Variants in PHF8 observed in about 807,000 individuals in gnomAD.
PHF8 encodes histone lysine demethylase PHF8.
A neutral mutation model predicts 74.4 loss-of-function variants in PHF8; 9 were observed. The observed-to-expected ratio is 0.12, with a 90% confidence interval of 0.07 to 0.21. The LOEUF (loss-of-function observed/expected upper bound fraction) is 0.21, where lower values mean the gene tolerates loss of function less well. PHF8 is among the 10% of genes least tolerant of loss of function. PHF8 has a pLI of 1.00. For missense variants in PHF8, 478 were observed against 816.6 expected (o/e 0.59, Z 5.05); for synonymous variants, 311 against 316.6 (o/e 0.98, Z 0.19).
chrX:54,011,862 C>CAAAAAA (rs11397654), intron 7 of PHF8, among the ~76,000 whole-genome samples: 4 of 40,056 alleles, frequency 1.0e-4, no homozygotes, highest in African/African-American at 3.0e-4. Flanking sequence ...GATAATTTGG[C>CAAAAAA]AAAAAAAAAA....
intron 14 of PHF8, among the ~76,000 whole-genome samples, chrX:53,992,438 T>C (rs1418771907): frequency 1.8e-5 from 2 of 111,937 alleles, no homozygotes; most frequent in Admixed American, 9.5e-5. Context: ...TTTTAGTAAG[T>C]ATGCTATACT....
intron 18 of PHF8, among the ~76,000 whole-genome samples, chrX:53,976,457 T>C (rs1046498378): frequency 3.5e-4 from 39 of 110,050 alleles, no homozygotes; most frequent in African/African-American, 1.3e-3. Flanking sequence ...GGAATGTAAC[T>C]GACAAAACAT....
intron 5 of PHF8, among the ~76,000 whole-genome samples, chrX:54,017,332 A>T (rs890673151): frequency 8.9e-6 from 1 of 112,291 alleles, no homozygotes; most frequent in Non-Finnish European, 1.9e-5. Context: ...CTGTAGTCTC[A>T]GCTACTCAGG....
chrX:53,965,807 A>C (rs1176673116), intron 18 of PHF8, among the ~76,000 whole-genome samples: 1 of 111,619 alleles, frequency 9.0e-6, no homozygotes, highest in African/African-American at 3.3e-5. Context: ...GGAAAATTTG[A>C]CTTCCAGAGT....
intron 14 of PHF8, among the ~76,000 whole-genome samples, chrX:53,990,806 T>C (rs1477515955): frequency 1.8e-5 from 2 of 111,623 alleles, no homozygotes; most frequent in African/African-American, 6.5e-5. Context: ...GTTCTGAGTA[T>C]CTAGAAAATA....
chrX:53,987,436 G>A (rs1225153851), intron 15 of PHF8, among the ~76,000 whole-genome samples: 7 of 112,054 alleles, frequency 6.2e-5, no homozygotes, highest in African/African-American at 1.3e-4. Flanking sequence ...AGGGCTGGGC[G>A]TGGTGGCTTG....
intron 1 of PHF8, among the ~76,000 whole-genome samples, 170 bp downstream of exon 1, chrX:54,043,592 C>G (rs2066599835): frequency 9.0e-6 from 1 of 111,389 alleles, no homozygotes; most frequent in Admixed American, 9.6e-5. Flanking sequence ...AGAATTTCCT[C>G]ACACTCCCGA....
intron 1 of PHF8, 94 bp downstream of exon 1, chrX:54,043,668 A>G (rs782123892): frequency 2.1e-4 from 43 of 207,004 alleles, no homozygotes; most frequent in African/African-American, 1.0e-3. Flanking sequence ...CCCCCCTCAA[A>G]CTGATGAGAG....
chrX:54,046,434 T>C (rs1348652243), upstream of PHF8, among the ~76,000 whole-genome samples: 1 of 109,901 alleles, frequency 9.1e-6, no homozygotes, highest in Non-Finnish European at 1.9e-5. Flanking sequence ...AATAAAAATA[T>C]TAGCCGTGTG....
intron 18 of PHF8, among the ~76,000 whole-genome samples, chrX:53,978,182 G>C (rs1026949924): frequency 3.7e-5 from 4 of 109,348 alleles, no homozygotes; most frequent in Non-Finnish European, 5.7e-5. Context: ...TCCTGACCTC[G>C]TGATGTGCCC....
At chrX:53,993,429 G>A (rs1366904914) in intron 13 of PHF8, among the ~76,000 whole-genome samples, 172 bp downstream of exon 13, 1 of 111,916 alleles carries the variant, frequency 8.9e-6, no homozygotes, top group African/African-American at 3.3e-5. Flanking sequence ...CTATCACAGT[G>A]CCCGGCATAG....
intron 2 of PHF8, among the ~76,000 whole-genome samples, chrX:54,024,177 C>T (rs2146462291): frequency 8.9e-6 from 1 of 111,855 alleles, no homozygotes; most frequent in African/African-American, 3.2e-5. Context: ...AATCCCAGTA[C>T]TTTGGGCGGC....
At chrX:54,047,157 GA>G (rs2066638409), upstream of PHF8, among the ~76,000 whole-genome samples, 1 of 112,166 alleles carries the variant, frequency 8.9e-6, no homozygotes, top group Non-Finnish European at 1.9e-5. Context: ...GTGTTGGGGG[GA>G]AAAAATTGGT....
chrX:54,036,869 G>A (rs1376508055), intron 2 of PHF8, among the ~76,000 whole-genome samples: 2 of 108,133 alleles, frequency 1.8e-5, no homozygotes, highest in African/African-American at 3.4e-5. Context: ...GCGTGGTGGC[G>A]AGCGCCTATA....
In PHF8 at chrX:53,948,040, T is replaced by C. The variant is rs142878385; in HGVS notation, c.2540-3797A>G. The stretch of plus-strand genomic sequence containing the variant: ...GAGACAAGTTGTCGCCATTGTGCCA[T>C]TTCCAAATTCCTGACCCACAGAATA... On this transcript the variant is annotated intron_variant, in intron 19 of 21. Coordinates refer to ENST00000338154, the MANE Select transcript of PHF8 (RefSeq NM_015107.3). 1.0e-3 allele frequency among the ~76,000 whole-genome samples: 117 copies of C among 112,069 alleles called. 2 individuals carry two copies. The East Asian group carries it at 0.031, about 30-fold the overall frequency.
intron 18 of PHF8, among the ~76,000 whole-genome samples, chrX:53,966,572 C>T (rs1186612853): frequency 8.9e-6 from 1 of 111,882 alleles, no homozygotes; most frequent in Non-Finnish European, 1.9e-5. Context: ...GGCGTGATCT[C>T]GGCTCGCTAC....
At chrX:54,025,111 C>T (rs1363412180) in intron 2 of PHF8, among the ~76,000 whole-genome samples, 4 of 110,961 alleles carry the variant, frequency 3.6e-5, no homozygotes, top group East Asian at 2.8e-4. Flanking sequence ...CTCCTGACCT[C>T]GTGATCCGCC....
intron 8 of PHF8, among the ~76,000 whole-genome samples, chrX:54,005,089 C>T (rs1557105012): frequency 9.0e-6 from 1 of 111,207 alleles, no homozygotes; most frequent in African/African-American, 3.3e-5. Context: ...AACTCAAGGA[C>T]TTGCGGGACT....
chrX:53,970,659 A>C (rs1483666973), intron 18 of PHF8, among the ~76,000 whole-genome samples: 1 of 111,574 alleles, frequency 9.0e-6, no homozygotes. Context: ...AAATTTACCA[A>C]GCAAATGAAA....
Sources: allele counts gnomAD v4.1 joint callset (sites outside exome capture counted in the v4.1 genomes callset), GRCh38; gene constraint gnomAD v4.1.1; transcripts MANE v1.5; gene names NCBI Gene and HGNC (gene_info 2026-07-23, HGNC 2026-07-21).